Variants in MAP3K13 observed in about 807,000 individuals in gnomAD.
MAP3K13 encodes the protein leucine zipper-bearing kinase.
In MAP3K13, 52 loss-of-function variants were observed where a neutral mutation model predicts 104.0. The ratio of observed to expected loss-of-function variants is 0.50; its 90% CI spans 0.40 to 0.63. The LOEUF (loss-of-function observed/expected upper bound fraction) is 0.63. Among genes scored for constraint, MAP3K13 ranks in the 20% least tolerant of loss-of-function variants. The pLI, the probability that MAP3K13 is intolerant of heterozygous loss-of-function variation, is 0.00. For missense variants in MAP3K13, 914 were observed against 1,218.5 expected, an observed-to-expected ratio of 0.75 and a Z score of 3.72; for synonymous variants, 394 against 442.2, an observed-to-expected ratio of 0.89 and a Z score of 1.37.
chr3:185,329,232 TAC>T (rs764975660), intron 2 of MAP3K13: 3 of 703,052 alleles, frequency 4.3e-6, no homozygotes, highest in South Asian at 3.0e-5. Flanking sequence ...TGCAAGTGTT[TAC>T]AGTTAGAAAA....
intron 2 of MAP3K13, chr3:185,293,192 A>G (rs937128897): frequency 6.5e-5 from 17 of 260,744 alleles, no homozygotes; most frequent in East Asian, 1.8e-4. Context: ...ATCTTGGTTC[A>G]CTGCAACCTC....
chr3:185,382,818 A>G (rs1724794157), intron 1 of MAP3K13, among the ~76,000 whole-genome samples: 1 of 152,200 alleles, frequency 6.6e-6, no homozygotes, highest in Admixed American at 6.5e-5. Flanking sequence ...ATCCTGGCTA[A>G]CACGGTGAAA....
chr3:185,330,618 T>G (rs1722230357), intron 2 of MAP3K13, among the ~76,000 whole-genome samples: 1 of 152,124 alleles, frequency 6.6e-6, no homozygotes, highest in Admixed American at 6.5e-5. Context: ...CAGGTAACAT[T>G]GTTACTAGGG....
Position 185,484,569 on chromosome 3 carries a change from A to C in MAP3K13, c.*2113A>C, listed in dbSNP as rs556407451. 6.6e-6 allele frequency: 1 copy of C among 152,326 alleles called. No homozygotes were observed. The highest frequency in any genetic ancestry group is 6.5e-5 in the Admixed American group (1 of 15,296). 9.4% of individuals were successfully genotyped at this position (152,326 alleles called of 1,614,324 possible). On this transcript the variant is annotated 3_prime_UTR_variant, in exon 14 of 14. Transcript: ENST00000265026. ...AAAGGAAAGGCAGGAGGGAATTTAG[A>C]GTTCCTTTTGCTTGTTTGATCCATT...
At chr3:185,449,243 C>T (rs1051320822) in intron 5 of MAP3K13, among the ~76,000 whole-genome samples, 9 of 151,910 alleles carry the variant, frequency 5.9e-5, no homozygotes, top group South Asian at 4.2e-4. Flanking sequence ...CGTGGTGGCA[C>T]GCACTTGTAA....
chr3:185,454,317 T>TATATATGAGATATATATGATATATATGAG (rs1240810920), intron 7 of MAP3K13, among the ~76,000 whole-genome samples: 1 of 107,752 alleles, frequency 9.3e-6, no homozygotes, highest in Non-Finnish European at 1.8e-5. Context: ...ATATATGAGA[T>TATATATGAGATATATATGATATATATGAG]ATATATGAGA....
chr3:185,442,980 A>G (rs950448500), intron 3 of MAP3K13, among the ~76,000 whole-genome samples: 2 of 152,074 alleles, frequency 1.3e-5, no homozygotes, highest in Admixed American at 6.5e-5. Context: ...CTGGGACTAC[A>G]GGCGCGCGCC....
intron 2 of MAP3K13, among the ~76,000 whole-genome samples, chr3:185,349,980 C>A (rs1361550088): frequency 6.6e-6 from 1 of 152,138 alleles, no homozygotes; most frequent in Non-Finnish European, 1.5e-5. Flanking sequence ...GGGGCCAAAG[C>A]CTTCTGAGGT....
At chr3:185,429,623 T>TAATTA (rs1316818751) in intron 2 of MAP3K13, among the ~76,000 whole-genome samples, 2 of 151,988 alleles carry the variant, frequency 1.3e-5, no homozygotes, top group Non-Finnish European at 2.9e-5. Context: ...TTCTCTAAAA[T>TAATTA]AATTAATTAA....
chr3:185,421,172 G>A (rs377560384), intron 1 of MAP3K13, among the ~76,000 whole-genome samples: 3 of 150,988 alleles, frequency 2.0e-5, no homozygotes, highest in East Asian at 3.9e-4. Flanking sequence ...TTCTTTTTTT[G>A]TTTTGTTTTG....
intron 7 of MAP3K13, among the ~76,000 whole-genome samples, chr3:185,455,148 T>A (rs868824323): frequency 1.4e-3 from 65 of 48,128 alleles, no homozygotes; most frequent in East Asian, 3.2e-3. Context: ...GATATATATG[T>A]GAGATATATA....
chr3:185,476,042 T>C (rs906414885), intron 11 of MAP3K13, among the ~76,000 whole-genome samples: 1 of 152,192 alleles, frequency 6.6e-6, no homozygotes, highest in African/African-American at 2.4e-5. Context: ...TCCACAGAGC[T>C]GTGTAACTAT....
chr3:185,466,095 GCATAGGGAAGGGGTCCCCATTT>G (rs965794574), intron 9 of MAP3K13, among the ~76,000 whole-genome samples: 1 of 152,250 alleles, frequency 6.6e-6, no homozygotes, highest in Non-Finnish European at 1.5e-5. Flanking sequence ...GTCATTTGCT[GCATAGGGAAGGGGTCCCCATTT>G]CAAGAAGAGC....
At chr3:185,421,167 T>TTTTGTTTTG (rs1553802291) in intron 1 of MAP3K13, among the ~76,000 whole-genome samples, 3 of 152,008 alleles carry the variant, frequency 2.0e-5, no homozygotes, top group African/African-American at 7.3e-5. Flanking sequence ...TTCTTTTCTT[T>TTTTGTTTTG]TTTTGTTTTG....
chr3:185,339,190 G>A (rs781350424), intron 2 of MAP3K13, among the ~76,000 whole-genome samples: 1 of 152,052 alleles, frequency 6.6e-6, no homozygotes, highest in South Asian at 2.1e-4. Context: ...GTGGTGGTGG[G>A]TGCCTGTAAT....
intron 7 of MAP3K13, among the ~76,000 whole-genome samples, chr3:185,452,060 A>G (rs961698639): frequency 2.6e-5 from 4 of 152,114 alleles, no homozygotes; most frequent in Non-Finnish European, 5.9e-5. Flanking sequence ...GAAGTAGAAA[A>G]GCTGAAGTAC....
chr3:185,342,180 A>G (rs1004938587), intron 2 of MAP3K13, among the ~76,000 whole-genome samples: 1 of 152,090 alleles, frequency 6.6e-6, no homozygotes, highest in Non-Finnish European at 1.5e-5. Flanking sequence ...CTGCAACTTA[A>G]TGAGAGACCC....
At position 185,455,185 on chromosome 3, in the gene MAP3K13, A is replaced by G. The variant is rs934621165; in HGVS notation, c.1278+3790A>G. On this transcript the variant is annotated intron_variant, in intron 7 of 13. Coordinates refer to ENST00000265026, the MANE Select transcript of MAP3K13 (RefSeq NM_004721.5). ...GATATATATGAGATATATATGATAT[A>G]TATGAGATATATATATGATATATAT... 2.5e-4 allele frequency among the ~76,000 whole-genome samples: 26 copies of G among 102,074 alleles called. 1 individual carries two copies. The highest frequency in any genetic ancestry group is 8.3e-4 in the African/African-American group (23 of 27,720). 67.0% of individuals were successfully genotyped at this position (102,074 alleles called of 152,430 possible).
intron 8 of MAP3K13, among the ~76,000 whole-genome samples, chr3:185,464,985 A>G (rs1477918232): frequency 6.6e-6 from 1 of 151,836 alleles, no homozygotes; most frequent in Admixed American, 6.6e-5. Flanking sequence ...GACCCCACCT[A>G]TTTATTTATT....
Sources: gnomAD v4.1 joint callset for allele counts (sites outside exome capture counted in the v4.1 genomes callset) on GRCh38, gnomAD v4.1.1 for gene constraint, MANE v1.5 for transcripts, NCBI Gene and HGNC (gene_info 2026-07-23, HGNC 2026-07-21) for gene names.